PLEKHM3: variants seen among roughly 807,000 people sequenced by gnomAD.
PLEKHM3 encodes the protein pleckstrin homology domain containing M3.
A neutral mutation model predicts 81.8 loss-of-function variants in PLEKHM3; 45 were observed. The observed-to-expected ratio is 0.55, with a 90% CI of 0.43 to 0.71. The LOEUF is 0.71. Among genes scored for constraint, PLEKHM3 ranks in the 30% least tolerant of loss-of-function variants. The pLI is 0.00. For missense variants in PLEKHM3, 788 were observed against 924.3 expected, an observed-to-expected ratio of 0.85 and a Z score of 1.91; for synonymous variants, 352 against 356.4, an observed-to-expected ratio of 0.99 and a Z score of 0.14.
At chr2:207,957,939 T>C (rs2105991362) in intron 3 of PLEKHM3, among the ~76,000 whole-genome samples, 1 of 152,254 alleles carries the variant, frequency 6.6e-6, no homozygotes, top group South Asian at 2.1e-4. Context: ...TACTGATATC[T>C]TAAGGATGAA....
intron 6 of PLEKHM3, among the ~76,000 whole-genome samples, chr2:207,886,231 G>C (rs1191116389): frequency 6.6e-6 from 1 of 152,144 alleles, no homozygotes; most frequent in Non-Finnish European, 1.5e-5. Flanking sequence ...CTCCATCCCA[G>C]ATGAGCCCCA....
At chr2:208,014,183 T>C (rs1478977060) in intron 1 of PLEKHM3, among the ~76,000 whole-genome samples, 3 of 152,188 alleles carry the variant, frequency 2.0e-5, no homozygotes, top group South Asian at 2.1e-4. Context: ...CAAGCAAGGC[T>C]GGCAAAGGCA....
chr2:207,862,471 T>C (rs1376177866), intron 6 of PLEKHM3, among the ~76,000 whole-genome samples: 1 of 152,066 alleles, frequency 6.6e-6, no homozygotes, highest in Non-Finnish European at 1.5e-5. Flanking sequence ...ACCCTGTCTC[T>C]ACTAAAAATA....
intron 7 of PLEKHM3, among the ~76,000 whole-genome samples, chr2:207,842,674 T>G (rs2092361104): frequency 6.6e-6 from 1 of 152,184 alleles, no homozygotes; most frequent in South Asian, 2.1e-4. Context: ...AACTTCTGTT[T>G]CCATTCTGCG....
chr2:207,920,227 A>G (rs1414799417), intron 5 of PLEKHM3, among the ~76,000 whole-genome samples: 1 of 152,244 alleles, frequency 6.6e-6, no homozygotes, highest in African/African-American at 2.4e-5. Flanking sequence ...GTCAAGGACT[A>G]AACCTGACAA....
At chr2:207,951,048 C>A (rs181924967) in intron 3 of PLEKHM3, among the ~76,000 whole-genome samples, 3 of 152,122 alleles carry the variant, frequency 2.0e-5, no homozygotes. Flanking sequence ...GAAGGAAACA[C>A]GAGTTTTTTC....
chr2:207,944,689 G>A (rs932548320), intron 4 of PLEKHM3, among the ~76,000 whole-genome samples: 1 of 152,064 alleles, frequency 6.6e-6, no homozygotes, highest in Admixed American at 6.5e-5. Flanking sequence ...ACATCACATC[G>A]AAGTACCTAC....
At chr2:207,884,632 A>G (rs757978765) in intron 6 of PLEKHM3, among the ~76,000 whole-genome samples, 1 of 152,256 alleles carries the variant, frequency 6.6e-6, no homozygotes, top group Non-Finnish European at 1.5e-5. Flanking sequence ...AGGTAGTGTT[A>G]CTATCAAAGC....
chr2:207,917,772 G>C (rs1462181646), intron 5 of PLEKHM3, among the ~76,000 whole-genome samples: 1 of 152,116 alleles, frequency 6.6e-6, no homozygotes, highest in Non-Finnish European at 1.5e-5. Flanking sequence ...TTGAGCTTGG[G>C]AGGTCGAGGC....
chr2:207,840,799 G>GTT (rs1221570591), intron 7 of PLEKHM3, among the ~76,000 whole-genome samples: 1,612 of 109,536 alleles, frequency 0.015, 13 homozygotes, highest in Middle Eastern at 0.032. Flanking sequence ...CACTTTTTAT[G>GTT]TTTTTTTTTT....
At chr2:207,949,400 G>A (rs1690255376) in intron 3 of PLEKHM3, among the ~76,000 whole-genome samples, 1 of 152,160 alleles carries the variant, frequency 6.6e-6, no homozygotes, top group Non-Finnish European at 1.5e-5. Context: ...AATTAGTGAG[G>A]TGTGGTGGCA....
intron 6 of PLEKHM3, among the ~76,000 whole-genome samples, chr2:207,895,625 C>A (rs561280554): frequency 6.6e-6 from 1 of 152,290 alleles, no homozygotes; most frequent in South Asian, 2.1e-4. Context: ...CTCTTGGAAA[C>A]CTCAGCTGCA....
At chr2:207,977,665 G>A in intron 2 of PLEKHM3, 79 bp from the exon 3 acceptor site, 1 of 1,252,524 alleles carries the variant, frequency 8.0e-7, no homozygotes, top group Non-Finnish European at 1.1e-6. Context: ...ACAGATCAGG[G>A]CACAAGAAAC....
At chr2:207,896,165 A>G (rs1179794517) in intron 6 of PLEKHM3, among the ~76,000 whole-genome samples, 1 of 152,238 alleles carries the variant, frequency 6.6e-6, no homozygotes, top group African/African-American at 2.4e-5. Context: ...TGAGGGCCCT[A>G]GAGCTGGAAG....
chr2:207,938,319 T>A (rs1312265534), intron 4 of PLEKHM3, among the ~76,000 whole-genome samples: 2 of 152,210 alleles, frequency 1.3e-5, no homozygotes, highest in African/African-American at 4.8e-5. Flanking sequence ...ATCTTCAGTA[T>A]AACACCAGAA....
intron 7 of PLEKHM3, among the ~76,000 whole-genome samples, chr2:207,844,303 CT>C (rs377510756): frequency 0.25 from 30,533 of 124,560 alleles, 2,154 homozygotes; most frequent in African/African-American, 0.26. Flanking sequence ...ATTTATTTTT[CT>C]TTTTTTTTTT....
At chr2:208,007,781 C>T (rs1055659033) in intron 1 of PLEKHM3, among the ~76,000 whole-genome samples, 5 of 151,810 alleles carry the variant, frequency 3.3e-5, no homozygotes, top group African/African-American at 7.3e-5. Flanking sequence ...ATAGGCCGGG[C>T]GCAGTGGCTC....
chr2:208,008,081 A>G (rs1407298926), intron 1 of PLEKHM3, among the ~76,000 whole-genome samples: 1 of 151,682 alleles, frequency 6.6e-6, no homozygotes, highest in Non-Finnish European at 1.5e-5. Context: ...AAAACTAAAA[A>G]TAAAAAATTA....
chr2:207,855,894 A>T (rs1361350468), intron 7 of PLEKHM3, among the ~76,000 whole-genome samples: 1 of 152,246 alleles, frequency 6.6e-6, no homozygotes, highest in Non-Finnish European at 1.5e-5. Flanking sequence ...GAAGGATATT[A>T]GGTGAAAACT....
Sources: allele counts gnomAD v4.1 joint callset (sites outside exome capture counted in the v4.1 genomes callset), GRCh38; gene constraint gnomAD v4.1.1; transcripts MANE v1.5; gene names NCBI Gene and HGNC (gene_info 2026-07-23, HGNC 2026-07-21).